RNF6: variants seen among roughly 807,000 people sequenced by gnomAD.
The protein encoded by RNF6 is ring finger protein 6.
In RNF6, 21 loss-of-function variants were observed where a neutral mutation model predicts 50.1. The ratio of observed to expected loss-of-function variants is 0.42; its 90% CI spans 0.30 to 0.60. The LOEUF is 0.60. Ranked by LOEUF, RNF6 falls within the 20% of genes least tolerant of loss-of-function variation. The probability of loss-of-function intolerance (pLI) is 0.20; values close to 1 mark genes in which losing one functional copy is unlikely to be tolerated. For synonymous variants in RNF6, 255 were observed against 291.8 expected (o/e 0.87, Z 1.29); for missense variants, 698 against 838.2 (o/e 0.83, Z 2.07).
At chr13:26,147,457 G>A (rs940252346) in intron 5 of RNF6, among the ~76,000 whole-genome samples, 4 of 152,210 alleles carry the variant, frequency 2.6e-5, no homozygotes, top group Non-Finnish European at 5.9e-5. Flanking sequence ...GTGTGTGGAG[G>A]AGCTGATACT....
At chr13:26,184,014 ATATATTTTTT>A (rs1303439334) in intron 5 of RNF6, among the ~76,000 whole-genome samples, 197 of 57,884 alleles carry the variant, frequency 3.4e-3, no homozygotes, top group Middle Eastern at 0.012. Context: ...ATATATATAT[ATATATTTTTT>A]TTTTTTTTTT....
chr13:26,220,718 T>C (rs1032110422), intron 2 of RNF6, among the ~76,000 whole-genome samples: 2 of 152,226 alleles, frequency 1.3e-5, no homozygotes, highest in African/African-American at 2.4e-5. Flanking sequence ...CGACAATTTC[T>C]GGCATGTCAC....
chr13:26,156,664 T>C (rs1871939385), intron 5 of RNF6, among the ~76,000 whole-genome samples: 1 of 152,180 alleles, frequency 6.6e-6, no homozygotes, highest in South Asian at 2.1e-4. Context: ...TATGTTTCTC[T>C]GACCACAATG....
In RNF6 at chr13:26,218,555, T is replaced by C; in HGVS notation, c.245A>G (p.Gln82Arg). ...TCTCAAGTCAGGCTGAGATGCTAGT[T>C]GTTCCTTGACGCCATCTAACCGCTG... Reference protein sequence around the residue: ...LQQRLDGVKEQLASQPDLRDG... With the variant: ...LQQRLDGVKERLASQPDLRDG... The change falls in exon 4 of 5, where the codon CAA (glutamine) becomes CGA (arginine). Residue 82 changes from glutamine (Q) to arginine (R), a missense_variant. Coordinates refer to ENST00000381588, the MANE Select transcript of RNF6 (RefSeq NM_005977.4). 1 of 1,613,992 alleles carries C rather than the reference T, an allele frequency of 6.2e-7. No homozygotes were observed. Among genetic ancestry groups the C allele is most frequent in the South Asian group, 1.1e-5 (1 of 91,084 alleles).
chr13:26,172,241 C>T (rs1235559524), intron 5 of RNF6, among the ~76,000 whole-genome samples: 1 of 150,158 alleles, frequency 6.7e-6, no homozygotes, highest in African/African-American at 2.4e-5. Flanking sequence ...ATGGACCATT[C>T]CGTAACCGAT....
intron 5 of RNF6, among the ~76,000 whole-genome samples, chr13:26,177,058 G>T (rs1359502335): frequency 6.6e-6 from 1 of 152,200 alleles, no homozygotes; most frequent in Non-Finnish European, 1.5e-5. Context: ...AAGAAGGAAA[G>T]ATCGGCGGGG....
intron 5 of RNF6, among the ~76,000 whole-genome samples, chr13:26,136,372 C>T (rs927510526): frequency 1.3e-5 from 2 of 152,190 alleles, no homozygotes; most frequent in Non-Finnish European, 2.9e-5. Context: ...GGCCCAAGCT[C>T]TATGGCCTTT....
chr13:26,220,942 A>G (rs1347933652), intron 2 of RNF6, among the ~76,000 whole-genome samples: 1 of 152,232 alleles, frequency 6.6e-6, no homozygotes, highest in Non-Finnish European at 1.5e-5. Flanking sequence ...CTAAATTACA[A>G]ATTCAAGGAT....
At chr13:26,156,321 C>T (rs1871922984) in intron 5 of RNF6, among the ~76,000 whole-genome samples, 1 of 152,156 alleles carries the variant, frequency 6.6e-6, no homozygotes, top group Non-Finnish European at 1.5e-5. Flanking sequence ...AATGAAGACA[C>T]AAGTGCTATA....
At chr13:26,143,459 C>T (rs530256441) in intron 5 of RNF6, among the ~76,000 whole-genome samples, 7 of 152,252 alleles carry the variant, frequency 4.6e-5, no homozygotes, top group South Asian at 4.1e-4. Context: ...GTTATGCCTC[C>T]GGATGGAAGC....
chr13:26,163,903 C>CT (rs954959907), intron 5 of RNF6, among the ~76,000 whole-genome samples: 2 of 152,114 alleles, frequency 1.3e-5, no homozygotes, highest in African/African-American at 4.8e-5. Context: ...AAATTATATG[C>CT]TTTTTTCTGC....
chr13:26,163,987 T>C lies in RNF6; in HGVS notation n.769-31536A>G, dbSNP rs184299688. ...AGGAAAAGTAGTATGAAAAGAGCTATAGTAGCTGTCACAAAAATAGGATAC... is the reference window on the plus strand; with the variant it reads ...AGGAAAAGTAGTATGAAAAGAGCTACAGTAGCTGTCACAAAAATAGGATAC... On this transcript the variant is annotated intron_variant and non_coding_transcript_variant, in intron 5 of 5. Coordinates refer to the RNF6 transcript ENST00000468480. Among the ~76,000 whole-genome samples, 330 of 152,320 alleles carry C rather than the reference T, an allele frequency of 2.2e-3. 1 individual carries two copies. Among genetic ancestry groups the C allele is most frequent in the African/African-American group, 7.5e-3 (312 of 41,586 alleles).
At chr13:26,151,419 C>A (rs868687109) in intron 5 of RNF6, among the ~76,000 whole-genome samples, 1 of 152,196 alleles carries the variant, frequency 6.6e-6, no homozygotes, top group South Asian at 2.1e-4. Flanking sequence ...CATGCCACCA[C>A]GCCCAGCTAA....
intron 5 of RNF6, among the ~76,000 whole-genome samples, chr13:26,203,909 C>T (rs1338314506): frequency 2.0e-5 from 3 of 152,106 alleles, no homozygotes; most frequent in African/African-American, 4.8e-5. Flanking sequence ...GCCCAGATCG[C>T]GCCACTGCAC....
At chr13:26,163,497 C>T (rs1456163833) in intron 5 of RNF6, among the ~76,000 whole-genome samples, 9 of 152,132 alleles carry the variant, frequency 5.9e-5, no homozygotes, top group Non-Finnish European at 1.2e-4. Context: ...ATAAGCTATA[C>T]GTACCCTACC....
chr13:26,204,898 T>C (rs1216914280), intron 5 of RNF6, among the ~76,000 whole-genome samples: 1 of 152,246 alleles, frequency 6.6e-6, no homozygotes, highest in Non-Finnish European at 1.5e-5. Context: ...TGCCGCTCTC[T>C]CTGATCTGAA....
At chr13:26,191,543 C>T (rs1448890449) in intron 5 of RNF6, among the ~76,000 whole-genome samples, 1 of 152,128 alleles carries the variant, frequency 6.6e-6, no homozygotes, top group East Asian at 1.9e-4. Flanking sequence ...CAGTTTCCCT[C>T]ATGCTGTTTT....
At position 26,194,672 on chromosome 13, in the gene RNF6, C is replaced by T. The variant is rs539979749; in HGVS notation, n.768+20802G>A. Among the ~76,000 whole-genome samples the T allele has an allele frequency of 2.0e-5, 3 of 152,144 alleles. No individual in the cohort carries two copies. In the South Asian group the frequency reaches 6.2e-4, roughly 32 times the overall value. ...TATATATGAGTTTATTAAGTATTAA[C>T]TCACATGATCACAAGGTCCCACAAT... is the stretch of plus-strand genomic sequence containing the variant. On this transcript the variant is annotated intron_variant and non_coding_transcript_variant, in intron 5 of 5. Coordinates refer to the RNF6 transcript ENST00000468480.
At chr13:26,183,130 C>A (rs898418660) in intron 5 of RNF6, among the ~76,000 whole-genome samples, 1 of 152,134 alleles carries the variant, frequency 6.6e-6, no homozygotes, top group African/African-American at 2.4e-5. Flanking sequence ...CTATTCAAGT[C>A]AAAAAGACAT....
Sources: gnomAD v4.1 joint callset for allele counts (sites outside exome capture counted in the v4.1 genomes callset) on GRCh38, gnomAD v4.1.1 for gene constraint, MANE v1.5 for transcripts, NCBI Gene and HGNC (gene_info 2026-07-23, HGNC 2026-07-21) for gene names.